The following TENM3 variants were observed in gnomAD, a reference collection of about 807,000 sequenced individuals.
The protein encoded by TENM3 is teneurin transmembrane protein 3.
Under a neutral mutation model 255.1 loss-of-function variants are expected in TENM3, and 63 were observed. The observed-to-expected ratio is 0.25, with a 90% CI of 0.20 to 0.30. The LOEUF is 0.30. Ranked by LOEUF, TENM3 falls within the 10% of genes least tolerant of loss-of-function variation. The pLI, the probability that TENM3 is intolerant of heterozygous loss-of-function variation, is 1.00. For missense variants in TENM3, 2,929 were observed against 3,461.1 expected (o/e 0.85, Z 3.86); for synonymous variants, 1,306 against 1,322.3 (o/e 0.99, Z 0.27).
the TENM3 span, among the ~76,000 whole-genome samples, chr4:181,597,478 A>C: frequency 6.7e-6 from 1 of 150,160 alleles, no homozygotes; most frequent in African/African-American, 2.4e-5. Flanking sequence ...TCTTTTATTA[A>C]ATTTCTGCCT....
At chr4:181,895,437 C>T in the TENM3 span, among the ~76,000 whole-genome samples, 2 of 151,476 alleles carry the variant, frequency 1.3e-5, no homozygotes, top group African/African-American at 2.4e-5. Context: ...AGTTACACAG[C>T]GGTTCTAAGC....
At chr4:181,558,257 C>G in the TENM3 span, among the ~76,000 whole-genome samples, 12 of 152,192 alleles carry the variant, frequency 7.9e-5, 1 homozygote, top group African/African-American at 2.9e-4. Context: ...TTTGTCAACA[C>G]ACTCATCTTT....
chr4:182,132,161 T>C, the TENM3 span, among the ~76,000 whole-genome samples: 2 of 152,304 alleles, frequency 1.3e-5, no homozygotes, highest in South Asian at 4.1e-4. Flanking sequence ...TAATGTTATT[T>C]AGAGAAATTG....
chr4:182,335,786 T>C (rs1169800737), intron 2 of TENM3, among the ~76,000 whole-genome samples: 4 of 152,172 alleles, frequency 2.6e-5, no homozygotes, highest in Non-Finnish European at 5.9e-5. Context: ...TCTTATGACA[T>C]ATATAATGTC....
chr4:181,630,489 T>TC, the TENM3 span, among the ~76,000 whole-genome samples: 1 of 152,210 alleles, frequency 6.6e-6, no homozygotes, highest in Non-Finnish European at 1.5e-5. Context: ...GCTATAAATT[T>TC]CCCTCTACAC....
intron 13 of TENM3, among the ~76,000 whole-genome samples, chr4:182,714,532 A>C (rs1025283587): frequency 5.3e-5 from 8 of 152,194 alleles, no homozygotes; most frequent in Admixed American, 2.6e-4. Context: ...CCTCAACCAC[A>C]GTATTTAGGG....
At chr4:182,157,000 A>G (rs1313038791) in intron 1 of TENM3, among the ~76,000 whole-genome samples, 1 of 152,210 alleles carries the variant, frequency 6.6e-6, no homozygotes, top group Non-Finnish European at 1.5e-5. Context: ...AAGGATTACT[A>G]CTTTGGTCAG....
intron 24 of TENM3, among the ~76,000 whole-genome samples, chr4:182,777,360 C>T (rs2152803433): frequency 6.6e-6 from 1 of 152,110 alleles, no homozygotes; most frequent in Middle Eastern, 3.4e-3. Context: ...TATGAATTCT[C>T]TCTGTGCCAT....
intron 1 of TENM3, among the ~76,000 whole-genome samples, chr4:182,262,901 G>T (rs1441263957): frequency 6.6e-6 from 1 of 151,912 alleles, no homozygotes; most frequent in Non-Finnish European, 1.5e-5. Context: ...TTTTAGTAGA[G>T]ACGGGGTTTC....
chr4:182,356,411 A>G (rs1055618123), intron 3 of TENM3, among the ~76,000 whole-genome samples: 32 of 152,140 alleles, frequency 2.1e-4, no homozygotes, highest in Admixed American at 1.6e-3. Context: ...TCAGAGTGGA[A>G]CCAAAACCTT....
chr4:181,457,932 T>C, the TENM3 span, among the ~76,000 whole-genome samples: 1 of 151,944 alleles, frequency 6.6e-6, no homozygotes, highest in Non-Finnish European at 1.5e-5. Context: ...GTTTTCCTAT[T>C]ACCACTACAT....
At chr4:182,272,911 G>A (rs1008217788) in intron 1 of TENM3, among the ~76,000 whole-genome samples, 2 of 152,140 alleles carry the variant, frequency 1.3e-5, no homozygotes, top group Non-Finnish European at 2.9e-5. Context: ...TCAGAGACTC[G>A]TAGGTACCTG....
At chr4:181,947,377 A>C in the TENM3 span, among the ~76,000 whole-genome samples, 1 of 152,186 alleles carries the variant, frequency 6.6e-6, no homozygotes, top group Non-Finnish European at 1.5e-5. Context: ...GACAGGTTTT[A>C]TGATTCACAA....
At chr4:182,795,238 T>A (rs1341793209) in intron 26 of TENM3, among the ~76,000 whole-genome samples, 1 of 152,154 alleles carries the variant, frequency 6.6e-6, no homozygotes, top group Non-Finnish European at 1.5e-5. Flanking sequence ...GGTTTTTCAA[T>A]ACACATCTGC....
At chr4:182,641,962 C>T (rs1318045943) in intron 5 of TENM3, among the ~76,000 whole-genome samples, 2 of 152,216 alleles carry the variant, frequency 1.3e-5, no homozygotes, top group Non-Finnish European at 1.5e-5. Flanking sequence ...ACTAATGAAT[C>T]ATCTATTACA....
At chr4:181,586,698 G>A in the TENM3 span, among the ~76,000 whole-genome samples, 5 of 152,204 alleles carry the variant, frequency 3.3e-5, no homozygotes, top group Non-Finnish European at 7.4e-5. Flanking sequence ...AAATTAGCCA[G>A]GCGTGGTGGC....
the TENM3 span, among the ~76,000 whole-genome samples, chr4:182,098,312 A>T: frequency 2.0e-5 from 3 of 152,218 alleles, no homozygotes; most frequent in African/African-American, 7.2e-5. Flanking sequence ...TTACCCTATG[A>T]TCCAGCAATC....
At chr4:182,553,947 C>T (rs1742332992) in intron 3 of TENM3, among the ~76,000 whole-genome samples, 1 of 152,208 alleles carries the variant, frequency 6.6e-6, no homozygotes, top group Admixed American at 6.5e-5. Flanking sequence ...CCTTACTCTA[C>T]AGCCACTGAA....
the TENM3 span, among the ~76,000 whole-genome samples, chr4:181,850,286 GT>G: frequency 2.0e-5 from 3 of 151,432 alleles, no homozygotes; most frequent in African/African-American, 7.3e-5. Context: ...AATGTACTTT[GT>G]TAGTCAACAT....
Sources: gnomAD v4.1 joint callset for allele counts (sites outside exome capture counted in the v4.1 genomes callset) on GRCh38, gnomAD v4.1.1 for gene constraint, MANE v1.5 for transcripts, NCBI Gene and HGNC (gene_info 2026-07-23, HGNC 2026-07-21) for gene names.